Variants in MAP2K4 observed in about 807,000 individuals in gnomAD.
The protein encoded by MAP2K4 is mitogen-activated protein kinase kinase 4.
In MAP2K4, 4 loss-of-function variants were observed where a neutral mutation model predicts 48.5. The ratio of observed to expected loss-of-function variants is 0.08; its 90% CI spans 0.04 to 0.19. The LOEUF (loss-of-function observed/expected upper bound fraction) is 0.19. MAP2K4 is among the 10% of genes least tolerant of loss of function. MAP2K4 has a pLI of 1.00. For missense variants in MAP2K4, 258 were observed against 493.3 expected, an observed-to-expected ratio of 0.52 and a Z score of 4.52; for synonymous variants, 166 against 173.1, an observed-to-expected ratio of 0.96 and a Z score of 0.32.
intron 9 of MAP2K4, 100 bp from the exon 10 acceptor site, chr17:12,139,739 A>T: frequency 2.4e-6 from 2 of 816,528 alleles, no homozygotes; most frequent in Non-Finnish European, 3.9e-6. Flanking sequence ...GATCTGAAGG[A>T]AAGAACTATT....
At chr17:12,024,443 C>T (rs1254395215) in intron 1 of MAP2K4, among the ~76,000 whole-genome samples, 2 of 152,180 alleles carry the variant, frequency 1.3e-5, no homozygotes, top group Admixed American at 1.3e-4. Flanking sequence ...TGAGTGTCTT[C>T]ACTCATTCTG....
rs1314221872 is a variant in MAP2K4, at chr17:12,136,608, A to T, written c.1041-3231A>T. Among the ~76,000 whole-genome samples, 3 of 152,204 alleles carry T rather than the reference A, an allele frequency of 2.0e-5. No homozygotes were observed. The South Asian group carries it at 6.2e-4, about 31-fold the overall frequency. Reference sequence around the variant, plus strand: ...AGTTTGCTAACGGCTACCTTATTAGATAGTCTAAGGGGAGCTAATATAATT... The same window carrying T: ...AGTTTGCTAACGGCTACCTTATTAGTTAGTCTAAGGGGAGCTAATATAATT... On this transcript the variant is annotated intron_variant, in intron 9 of 10. Coordinates refer to ENST00000353533, the MANE Select transcript of MAP2K4 (RefSeq NM_003010.4).
intron 4 of MAP2K4, 46 bp from the exon 5 acceptor site, chr17:12,107,744 T>A: frequency 6.7e-7 from 1 of 1,485,952 alleles, no homozygotes. Context: ...AAAGGCAAGG[T>A]GATATTTAAG....
intron 1 of MAP2K4, chr17:12,021,535 C>G (rs1385890773): frequency 6.6e-6 from 1 of 151,256 alleles, no homozygotes; most frequent in Non-Finnish European, 1.5e-5. Flanking sequence ...GCCGGACCAC[C>G]GAGCTGACCT....
chr17:12,062,557 G>A (rs779812969), intron 2 of MAP2K4, among the ~76,000 whole-genome samples: 6 of 152,088 alleles, frequency 3.9e-5, no homozygotes, highest in Admixed American at 1.3e-4. Context: ...GGATGGTCTC[G>A]AACTCAAGCT....
intron 9 of MAP2K4, among the ~76,000 whole-genome samples, chr17:12,130,978 G>A (rs766479728): frequency 6.6e-6 from 1 of 152,046 alleles, no homozygotes; most frequent in African/African-American, 2.4e-5. Flanking sequence ...TTGACCCTAA[G>A]GAGGCAAAAA....
intron 7 of MAP2K4, among the ~76,000 whole-genome samples, chr17:12,123,717 A>T (rs1972766651): frequency 6.6e-6 from 1 of 152,046 alleles, no homozygotes; most frequent in Admixed American, 6.6e-5. Context: ...AAATTTTGGG[A>T]AGTTGTAATT....
chr17:12,116,499 AT>A (rs869308764), intron 7 of MAP2K4, among the ~76,000 whole-genome samples: 1 of 152,064 alleles, frequency 6.6e-6, no homozygotes, highest in Non-Finnish European at 1.5e-5. Flanking sequence ...ATTAAAAAAA[AT>A]TTTTTTTACT....
chr17:12,113,309 T>C lies in MAP2K4; in HGVS notation c.762T>C (p.Leu254=). ...KLCDFGISGQ[L]VDSIAKTRDA... is the part of the protein sequence containing the mutation. ...GTGACTTCGGCATCAGTGGACAGCT[T>C]GTGGACTCTATTGCCAAGACAAGAG... The change falls in exon 7 of 11, where the codon CTT becomes CTC. Residue 254 remains leucine, a synonymous_variant. Transcript: ENST00000353533. 1 of 1,613,828 alleles carries C rather than the reference T, an allele frequency of 6.2e-7. No individual in the cohort carries two copies.
At position 12,141,747 on chromosome 17, in the gene MAP2K4, G is replaced by T; in HGVS notation, c.*487G>T. 1 of 236,088 alleles carries T rather than the reference G, an allele frequency of 4.2e-6. No individual in the cohort carries two copies. Among genetic ancestry groups the T allele is most frequent in the Non-Finnish European group, 8.4e-6 (1 of 119,706 alleles). 14.6% of individuals were successfully genotyped at this position (236,088 alleles called of 1,614,324 possible). A position where few individuals can be genotyped will look rare whatever the true frequency, so the allele number is the denominator to read the frequency against. Reference sequence around the variant, plus strand: ...CCTTCTGGAGCTGGGAGACAAAGGAGGAATTTACTTTCTTCACCAAGTGCA... The same window carrying T: ...CCTTCTGGAGCTGGGAGACAAAGGATGAATTTACTTTCTTCACCAAGTGCA... On this transcript the variant is annotated 3_prime_UTR_variant, in exon 11 of 11. Transcript: ENST00000353533.
chr17:12,030,976 C>T lies in MAP2K4; in HGVS notation c.115+9975C>T, dbSNP rs368928342. ...TCAGCTCATTTTGCGTGGTAGGAGGCCAGTGGCTTTTAGTTGCTTAGGCTT... is the reference window on the plus strand; with the variant it reads ...TCAGCTCATTTTGCGTGGTAGGAGGTCAGTGGCTTTTAGTTGCTTAGGCTT... On this transcript the variant is annotated intron_variant, in intron 1 of 10. Transcript: ENST00000353533. Among the ~76,000 whole-genome samples the T allele has an allele frequency of 2.6e-5, 4 of 152,244 alleles. No homozygotes were observed. The South Asian group carries it at 8.3e-4, about 32-fold the overall frequency.
At chr17:12,131,703 C>G (rs1264418847) in intron 9 of MAP2K4, among the ~76,000 whole-genome samples, 1 of 151,770 alleles carries the variant, frequency 6.6e-6, no homozygotes, top group East Asian at 1.9e-4. Flanking sequence ...TAGAAAGTAG[C>G]CAAACCTAAG....
In MAP2K4 at chr17:12,141,652, A is replaced by T. The variant is rs1462922916; in HGVS notation, c.*392A>T. ...AAATCCTGGAAGGACACAGTGATGA[A>T]TGTACTATGTCTGAACATAGAAACT... On this transcript the variant is annotated 3_prime_UTR_variant, in exon 11 of 11. Coordinates refer to ENST00000353533, the MANE Select transcript of MAP2K4 (RefSeq NM_003010.4). The T allele has an allele frequency of 3.5e-6, 1 of 284,684 alleles. No homozygotes were observed. Among genetic ancestry groups the T allele is most frequent in the African/African-American group, 2.1e-5 (1 of 46,782 alleles). The allele number at this position is 284,684 out of a possible 1,614,324, so 17.6% of individuals were successfully genotyped here. A position where few individuals can be genotyped will look rare whatever the true frequency, so the allele number is the denominator to read the frequency against.
intron 1 of MAP2K4, among the ~76,000 whole-genome samples, chr17:12,039,574 A>G (rs1337143160): frequency 1.3e-5 from 2 of 152,222 alleles, no homozygotes; most frequent in African/African-American, 2.4e-5. Context: ...TAAATGTGTT[A>G]CATGTCTTCT....
intron 6 of MAP2K4, 41 bp from the exon 7 acceptor site, chr17:12,113,192 A>G: frequency 6.3e-7 from 1 of 1,585,076 alleles, no homozygotes; most frequent in Non-Finnish European, 8.6e-7. Context: ...GTAACTTAGG[A>G]AGAAGCTAAT....
At chr17:12,136,723 A>G (rs562462304) in intron 9 of MAP2K4, among the ~76,000 whole-genome samples, 83 of 152,338 alleles carry the variant, frequency 5.4e-4, no homozygotes, top group Non-Finnish European at 9.4e-4. Context: ...TAGCATCATA[A>G]GTTTATACAC....
At chr17:12,101,076 A>G (rs1164601338) in intron 4 of MAP2K4, among the ~76,000 whole-genome samples, 1 of 152,048 alleles carries the variant, frequency 6.6e-6, no homozygotes, top group African/African-American at 2.4e-5. Context: ...GATATAGGCC[A>G]ATTTTTAAAT....
intron 1 of MAP2K4, among the ~76,000 whole-genome samples, chr17:12,031,334 C>G (rs565327360): frequency 9.1e-4 from 138 of 152,326 alleles, no homozygotes; most frequent in Non-Finnish European, 1.7e-3. Context: ...GACTACTTAA[C>G]TATCCTTTCT....
intron 4 of MAP2K4, among the ~76,000 whole-genome samples, chr17:12,099,642 G>A (rs1190176024): frequency 2.6e-5 from 4 of 152,156 alleles, no homozygotes; most frequent in Admixed American, 1.3e-4. Flanking sequence ...GTTTAGATAA[G>A]TTATTAGGTC....
Sources: allele counts gnomAD v4.1 joint callset (sites outside exome capture counted in the v4.1 genomes callset), GRCh38; gene constraint gnomAD v4.1.1; transcripts MANE v1.5; gene names NCBI Gene and HGNC (gene_info 2026-07-23, HGNC 2026-07-21).